Variants in SH3RF3 observed in about 807,000 individuals in gnomAD.
SH3RF3 encodes E3 ubiquitin-protein ligase SH3RF3.
SH3RF3 carries 29 observed loss-of-function variants against 66.3 expected under a neutral mutation model. That is an observed-to-expected ratio of 0.44 (90% confidence interval 0.33 to 0.60). SH3RF3 has a LOEUF of 0.60. SH3RF3 is among the 20% of genes least tolerant of loss of function. SH3RF3 has a pLI of 0.04. For synonymous variants in SH3RF3, 583 were observed against 532.0 expected (o/e 1.10, Z -1.32); for missense variants, 1,194 against 1,190.9 (o/e 1.00, Z -0.04).
chr2:109,184,415 G>A (rs745514135), intron 1 of SH3RF3, among the ~76,000 whole-genome samples: 13 of 152,250 alleles, frequency 8.5e-5, no homozygotes, highest in African/African-American at 3.1e-4. Context: ...AAGCAGATAT[G>A]TCAGATGTGG....
chr2:109,287,789 A>C (rs913921872), intron 1 of SH3RF3, among the ~76,000 whole-genome samples: 45 of 152,038 alleles, frequency 3.0e-4, no homozygotes, highest in African/African-American at 1.1e-3. Context: ...TCAGATATTA[A>C]AGCTTCGCAC....
In SH3RF3 at chr2:109,454,021, G is replaced by A. The variant is rs370086052; in HGVS notation, c.2148+4532G>A. ...ATGCTGGGCAGGAGGGTGCCATCCTGTAACTTAACTACTTAAATATCCTGT... is the reference window on the plus strand; with the variant it reads ...ATGCTGGGCAGGAGGGTGCCATCCTATAACTTAACTACTTAAATATCCTGT... On this transcript the variant is annotated intron_variant, in intron 8 of 9. Transcript: ENST00000309415. 2.6e-4 allele frequency among the ~76,000 whole-genome samples: 39 copies of A among 152,324 alleles called. No individual in the cohort carries two copies. In the South Asian group the frequency reaches 7.9e-3, roughly 31 times the overall value.
At chr2:109,270,452 T>G (rs1313894382) in intron 1 of SH3RF3, among the ~76,000 whole-genome samples, 1 of 152,176 alleles carries the variant, frequency 6.6e-6, no homozygotes. Context: ...GAAACATTTC[T>G]TCTTGTTTCC....
intron 6 of SH3RF3, 27 bp downstream of exon 6, chr2:109,432,698 G>A: frequency 6.3e-7 from 1 of 1,599,856 alleles, no homozygotes; most frequent in Non-Finnish European, 8.5e-7. Context: ...GGCAGCCTGG[G>A]CAAGGAGAGG....
intron 4 of SH3RF3, among the ~76,000 whole-genome samples, chr2:109,401,413 C>T (rs957304405): frequency 1.2e-4 from 18 of 152,184 alleles, no homozygotes; most frequent in Non-Finnish European, 4.4e-5. Context: ...GAGCAAAGGC[C>T]ACTCTCACTG....
chr2:109,130,888 TAC>T (rs1462594472), intron 1 of SH3RF3, among the ~76,000 whole-genome samples: 2 of 152,186 alleles, frequency 1.3e-5, no homozygotes, highest in African/African-American at 2.4e-5. Context: ...AGCTTCTTAT[TAC>T]ACACCCTTGC....
chr2:109,455,698 A>G (rs1678034094), intron 8 of SH3RF3, among the ~76,000 whole-genome samples: 1 of 152,164 alleles, frequency 6.6e-6, no homozygotes, highest in Non-Finnish European at 1.5e-5. Context: ...TCTCGAGTGG[A>G]GGCACCCTGC....
chr2:109,218,175 G>A (rs1378853662), intron 1 of SH3RF3, among the ~76,000 whole-genome samples: 1 of 151,944 alleles, frequency 6.6e-6, no homozygotes, highest in Non-Finnish European at 1.5e-5. Flanking sequence ...AATCCTGCCT[G>A]GCCTCACCAG....
intron 1 of SH3RF3, among the ~76,000 whole-genome samples, chr2:109,255,422 T>C (rs1326140170): frequency 1.3e-5 from 2 of 152,170 alleles, no homozygotes; most frequent in Non-Finnish European, 2.9e-5. Context: ...CAATGATCAG[T>C]ATGAAGGTCT....
At chr2:109,377,344 A>G (rs553667808) in intron 3 of SH3RF3, among the ~76,000 whole-genome samples, 51 of 152,330 alleles carry the variant, frequency 3.3e-4, no homozygotes, top group African/African-American at 1.2e-3. Context: ...GGTGGGGCCC[A>G]GCTGCTGATG....
intron 4 of SH3RF3, among the ~76,000 whole-genome samples, chr2:109,400,590 CTTG>C (rs1017227440): frequency 6.6e-5 from 10 of 151,746 alleles, no homozygotes; most frequent in Admixed American, 2.6e-4. Flanking sequence ...CACACACACA[CTTG>C]TGAACTTATA....
intron 4 of SH3RF3, among the ~76,000 whole-genome samples, chr2:109,410,154 G>A (rs1028229775): frequency 3.9e-5 from 6 of 152,320 alleles, no homozygotes; most frequent in African/African-American, 1.2e-4. Flanking sequence ...ACAACCTGGC[G>A]GTTTAGAATC....
rs374690152 is a variant in SH3RF3, at chr2:109,140,958, C to T, written c.573+10845C>T. On this transcript the variant is annotated intron_variant, in intron 1 of 9. Coordinates refer to ENST00000309415, the MANE Select transcript of SH3RF3 (RefSeq NM_001099289.3). ...ACTTTCATAACCCCCACCTTCCATC[C>T]GGGGCTGCTGTGAACTGGACAACCC... 4.6e-5 allele frequency among the ~76,000 whole-genome samples: 7 copies of T among 152,154 alleles called. No homozygotes were observed. In the East Asian group the frequency reaches 7.7e-4, roughly 17 times the overall value.
intron 1 of SH3RF3, among the ~76,000 whole-genome samples, chr2:109,290,527 G>A (rs969608690): frequency 6.6e-6 from 1 of 152,184 alleles, no homozygotes; most frequent in African/African-American, 2.4e-5. Flanking sequence ...CACATATTAT[G>A]CCTAGCTAGG....
intron 3 of SH3RF3, among the ~76,000 whole-genome samples, chr2:109,375,403 A>G (rs923333051): frequency 2.0e-5 from 3 of 152,200 alleles, no homozygotes; most frequent in African/African-American, 7.2e-5. Context: ...GCCCCTTGCC[A>G]GGAGCCTAGG....
At chr2:109,377,311 A>T (rs1024466999) in intron 3 of SH3RF3, among the ~76,000 whole-genome samples, 1 of 152,150 alleles carries the variant, frequency 6.6e-6, no homozygotes, top group Non-Finnish European at 1.5e-5. Context: ...GTGGTGAGCA[A>T]TGGGTCACAG....
intron 1 of SH3RF3, among the ~76,000 whole-genome samples, chr2:109,300,234 C>T (rs1254550463): frequency 6.6e-6 from 1 of 152,158 alleles, no homozygotes; most frequent in Non-Finnish European, 1.5e-5. Flanking sequence ...GAGTCTCACT[C>T]TGTCGCCCAG....
intron 1 of SH3RF3, among the ~76,000 whole-genome samples, chr2:109,175,460 G>A (rs1417290111): frequency 6.6e-6 from 1 of 152,192 alleles, no homozygotes; most frequent in East Asian, 1.9e-4. Context: ...TTCACGAGTT[G>A]GCAGGTGGTT....
chr2:109,380,102 G>A (rs574074132), intron 3 of SH3RF3, among the ~76,000 whole-genome samples: 4 of 151,036 alleles, frequency 2.6e-5, no homozygotes, highest in Non-Finnish European at 5.9e-5. Context: ...TTTTCTTGCC[G>A]GGATCTGACT....
Sources: allele counts gnomAD v4.1 joint callset (sites outside exome capture counted in the v4.1 genomes callset), GRCh38; gene constraint gnomAD v4.1.1; transcripts MANE v1.5; gene names NCBI Gene and HGNC (gene_info 2026-07-23, HGNC 2026-07-21).